Variants in IBTK observed in about 807,000 individuals in gnomAD.
IBTK encodes the protein inhibitor of Bruton tyrosine kinase, also known as BTK-binding protein.
Under a neutral mutation model 154.9 loss-of-function variants are expected in IBTK, and 83 were observed. The ratio of observed to expected loss-of-function variants is 0.54; its 90% CI spans 0.45 to 0.64. The LOEUF (loss-of-function observed/expected upper bound fraction) is 0.64, where lower values mean the gene tolerates loss of function less well. IBTK is among the 30% of genes least tolerant of loss of function. The pLI is 0.00. For missense variants in IBTK, 1,332 were observed against 1,584.6 expected, an observed-to-expected ratio of 0.84 and a Z score of 2.71; for synonymous variants, 515 against 536.1, an observed-to-expected ratio of 0.96 and a Z score of 0.54.
chr6:82,214,244 G>T lies in IBTK; in HGVS notation c.2187C>A (p.Phe729Leu). The T allele has an allele frequency of 1.9e-6, 3 of 1,610,906 alleles. No individual in the cohort carries two copies. The highest frequency in any genetic ancestry group is 2.5e-6 in the Non-Finnish European group (3 of 1,179,004). Residue 729 changes from phenylalanine to leucine, a missense_variant, in exon 12 of 29, where the codon TTC (phenylalanine) becomes TTA (leucine). Phe to Leu is a conservative substitution (Grantham distance 22). This residue lies in a region of IBTK where 1,134 missense variants were observed against 1,274.7 expected (regional missense o/e 0.89). Transcript: ENST00000306270. The stretch of plus-strand genomic sequence containing the variant: ...AATCATACCTACTACTCAAATTACT[G>T]AAGTCGAATTTCTTTGCAACAGTTT... ...MLQTVAKKFD[F>L]SNLSSRLDGV...
Position 82,200,136 on chromosome 6 carries a change from C to T in IBTK, c.3025+5G>A, listed in dbSNP as rs779687122. 4 of 1,548,040 alleles carry T rather than the reference C, an allele frequency of 2.6e-6. No individual in the cohort carries two copies. Among genetic ancestry groups the T allele is most frequent in the Non-Finnish European group, 3.6e-6 (4 of 1,125,870 alleles). On this transcript the variant is annotated splice_donor_5th_base_variant and intron_variant, in intron 21 of 28. Coordinates refer to ENST00000306270, the MANE Select transcript of IBTK (RefSeq NM_015525.4). Reference sequence around the variant, plus strand: ...ACTGGAAATACATGCTCACTTTCCACGAACCTGTAGATGATGGACTCTGAA... The same window carrying T: ...ACTGGAAATACATGCTCACTTTCCATGAACCTGTAGATGATGGACTCTGAA...
At chr6:82,180,136 A>C (rs1305286377) in intron 26 of IBTK, among the ~76,000 whole-genome samples, 2 of 152,008 alleles carry the variant, frequency 1.3e-5, no homozygotes, top group Non-Finnish European at 2.9e-5. Context: ...AAGACTATGT[A>C]CCTAGTTTTA....
At chr6:82,224,302 G>A in intron 6 of IBTK, 117 bp from the exon 7 acceptor site, 1 of 720,198 alleles carries the variant, frequency 1.4e-6, no homozygotes, top group Non-Finnish European at 2.4e-6. Flanking sequence ...GTCCACTCAA[G>A]TGCAATTGGC....
At chr6:82,206,338 GA>G (rs1562088213) in intron 16 of IBTK, among the ~76,000 whole-genome samples, 1 of 152,102 alleles carries the variant, frequency 6.6e-6, no homozygotes, top group Admixed American at 6.6e-5. Context: ...ATCTTTATTT[GA>G]CCTGACATAA....
At chr6:82,228,603 T>C (rs988186155) in intron 4 of IBTK, among the ~76,000 whole-genome samples, 7 of 151,890 alleles carry the variant, frequency 4.6e-5, no homozygotes, top group African/African-American at 1.5e-4. Flanking sequence ...TTTTAAGTTA[T>C]CCAACTTTAA....
chr6:82,202,381 G>T, intron 18 of IBTK, 147 bp downstream of exon 18: 1 of 605,496 alleles, frequency 1.7e-6, no homozygotes, highest in Non-Finnish European at 2.9e-6. Flanking sequence ...ATTCTAAAAT[G>T]TACATAACTT....
At chr6:82,175,308 A>C (rs894991442) in intron 26 of IBTK, among the ~76,000 whole-genome samples, 8 of 152,182 alleles carry the variant, frequency 5.3e-5, no homozygotes, top group Non-Finnish European at 1.2e-4. Context: ...AACTGATATA[A>C]GCCTTGTAGT....
intron 22 of IBTK, 68 bp from the exon 23 acceptor site, chr6:82,194,710 C>A: frequency 9.7e-7 from 1 of 1,029,058 alleles, no homozygotes; most frequent in South Asian, 3.0e-5. Flanking sequence ...ATAGCTGGTA[C>A]TTAATAAATA....
intron 18 of IBTK, among the ~76,000 whole-genome samples, chr6:82,202,038 T>C: frequency 6.6e-6 from 1 of 152,174 alleles, no homozygotes; most frequent in African/African-American, 2.4e-5. Flanking sequence ...AAGCAACTAT[T>C]ATAAATAAAT....
chr6:82,204,803 G>T (rs1769335585), intron 17 of IBTK, 54 bp downstream of exon 17: 1 of 1,125,608 alleles, frequency 8.9e-7, no homozygotes, highest in Non-Finnish European at 1.3e-6. Flanking sequence ...ATAAAGTACA[G>T]TAATCCTTGA....
chr6:82,191,421 T>A lies in IBTK; in HGVS notation c.3432-205A>T, dbSNP rs905109666. The A allele has an allele frequency of 1.0e-5, 6 of 577,884 alleles. No homozygotes were observed. The Admixed American group carries it at 2.0e-4, about 20-fold the overall frequency. The allele number at this position is 577,884 out of a possible 1,614,324, so 35.8% of individuals were successfully genotyped here. Reference sequence around the variant, plus strand: ...CAAGTTTCAACAATGAAAATATCAGTTTATACTAACAATGATCAAGTAATA... The same window carrying A: ...CAAGTTTCAACAATGAAAATATCAGATTATACTAACAATGATCAAGTAATA... On this transcript the variant is annotated intron_variant, in intron 24 of 28. Transcript: ENST00000306270.
rs1240092843 is a variant in IBTK, at chr6:82,216,194, TTA to T, written c.1481_1482del (p.Ile494LysfsTer2). ...AGTCGAATTCTTTCATACACACTAT[TTA>T]TATCAGAGACATAAGACACATCTGA... ...SSSDVSYVSD[I>X]NSVYERIRLE... On this transcript the variant is annotated frameshift_variant, in exon 11 of 29. Coordinates refer to ENST00000306270, the MANE Select transcript of IBTK (RefSeq NM_015525.4). LOFTEE classifies it high-confidence loss of function. The T allele has an allele frequency of 1.9e-6, 3 of 1,610,718 alleles. No homozygotes were observed. In the African/African-American group the frequency reaches 4.0e-5, roughly 22 times the overall value.
intron 2 of IBTK, among the ~76,000 whole-genome samples, chr6:82,235,722 G>C (rs1271554950): frequency 6.6e-6 from 1 of 152,086 alleles, no homozygotes; most frequent in Non-Finnish European, 1.5e-5. Flanking sequence ...GTTAATTGTT[G>C]ATGACCTGTT....
At chr6:82,173,151 GC>G in intron 27 of IBTK, 1 of 360,262 alleles carries the variant, frequency 2.8e-6, no homozygotes, top group South Asian at 7.9e-5. Context: ...ACAGGCATGC[GC>G]CACCATGCCC....
At chr6:82,177,242 C>T (rs1468402747) in intron 26 of IBTK, among the ~76,000 whole-genome samples, 1 of 152,008 alleles carries the variant, frequency 6.6e-6, no homozygotes, top group African/African-American at 2.4e-5. Flanking sequence ...CAGAGTCTCA[C>T]TCTGTCGCTC....
chr6:82,173,444 A>C lies in IBTK; in HGVS notation c.3726-6T>G. ...GGGTACCATGGGTAGAGCATCTGCAAAACAAATGCCAAAATTAAAGATTAA... is the reference window on the plus strand; with the variant it reads ...GGGTACCATGGGTAGAGCATCTGCACAACAAATGCCAAAATTAAAGATTAA... On this transcript the variant is annotated splice_polypyrimidine_tract_variant and splice_region_variant and intron_variant, in intron 26 of 28. Transcript: ENST00000306270. 1 of 1,610,846 alleles carries C rather than the reference A, an allele frequency of 6.2e-7. No individual in the cohort carries two copies. Among genetic ancestry groups the C allele is most frequent in the Non-Finnish European group, 8.5e-7 (1 of 1,177,352 alleles).
intron 8 of IBTK, among the ~76,000 whole-genome samples, chr6:82,223,029 C>A (rs1770156448): frequency 6.6e-6 from 1 of 151,562 alleles, no homozygotes; most frequent in South Asian, 2.1e-4. Context: ...AAACACTAAG[C>A]CTGGTTAGAG....
At chr6:82,219,728 T>C (rs1031113069) in intron 9 of IBTK, among the ~76,000 whole-genome samples, 3 of 151,796 alleles carry the variant, frequency 2.0e-5, no homozygotes, top group African/African-American at 7.2e-5. Flanking sequence ...GGAACTAAAA[T>C]TAGAACTTTT....
In IBTK at chr6:82,223,554, T is replaced by A; in HGVS notation, c.1010A>T (p.His337Leu). 1 of 1,614,006 alleles carries A rather than the reference T, an allele frequency of 6.2e-7. No individual in the cohort carries two copies. Among genetic ancestry groups the A allele is most frequent in the Non-Finnish European group, 8.5e-7 (1 of 1,179,848 alleles). The change falls in exon 8 of 29, where the codon CAT (histidine) becomes CTT (leucine). Residue 337 changes from histidine (H) to leucine (L), a missense_variant. By Grantham distance (99) the His-to-Leu change is moderately conservative. Around this residue, in one of 3 missense-constraint regions of IBTK, gnomAD observed 1,134 missense variants for 1,274.7 expected, o/e 0.89. Transcript: ENST00000306270. ...TAPRQVSALH[H>L]KDIALSLVAA... Reference sequence around the variant, plus strand: ...AACCAAAGACAGAGCAATGTCTTTATGGTGAAGGGCAGAGACCTGACGAGG... The same window carrying A: ...AACCAAAGACAGAGCAATGTCTTTAAGGTGAAGGGCAGAGACCTGACGAGG...
Sources: allele counts gnomAD v4.1 joint callset (sites outside exome capture counted in the v4.1 genomes callset), GRCh38; gene constraint gnomAD v4.1.1; regional missense constraint gnomAD v4.1.1; transcripts MANE v1.5; gene names NCBI Gene and HGNC (gene_info 2026-07-23, HGNC 2026-07-21).